TINAG: variants seen among roughly 807,000 people sequenced by gnomAD.
The protein encoded by TINAG is tubulointerstitial nephritis antigen.
TINAG carries 83 observed loss-of-function variants against 72.7 expected under a neutral mutation model. The observed-to-expected ratio is 1.14, with a 90% CI of 0.96 to 1.37. The LOEUF (loss-of-function observed/expected upper bound fraction) is 1.37. Ranked by LOEUF, TINAG falls within the 40% of genes most tolerant of loss-of-function variation. TINAG has a pLI of 0.00. For missense variants in TINAG, 685 were observed against 576.6 expected (o/e 1.19, Z -1.93); for synonymous variants, 234 against 189.9 (o/e 1.23, Z -1.91).
chr6:54,310,076 C>CGTGTGTGTGTGT (rs138971244), intron 1 of TINAG, among the ~76,000 whole-genome samples: 8,090 of 127,624 alleles, frequency 0.063, 441 homozygotes, highest in African/African-American at 0.069. Context: ...CTTTTTTTTC[C>CGTGTGTGTGTGT]GTGTGTGTGT....
At chr6:54,353,678 T>C (rs1785321448) in intron 8 of TINAG, among the ~76,000 whole-genome samples, 1 of 151,810 alleles carries the variant, frequency 6.6e-6, no homozygotes, top group African/African-American at 2.4e-5. Flanking sequence ...AAAGTTATAT[T>C]TAACTTTGGA....
Position 54,374,303 on chromosome 6 carries a change from TA to T in TINAG, c.1251-6219del, listed in dbSNP as rs551444126. Among the ~76,000 whole-genome samples the T allele has an allele frequency of 2.4e-4, 37 of 152,200 alleles. 2 individuals are homozygous for T. In the South Asian group the frequency reaches 7.2e-3, roughly 30 times the overall value. ...CCATCATCTGCTCCTCAACCTGTGA[TA>T]AAATTTGTAGCTTCCTGGCAGAACA... On this transcript the variant is annotated intron_variant, in intron 9 of 10. Transcript: ENST00000259782.
rs1785258782 is a variant in TINAG at position 54,351,261 on chromosome 6, T to G, written c.1081-91T>G. ...GAGTTTTTCAAAGTACAATTGAGAG[T>G]AAATTGCAAACACTTAACATTGTAC... On this transcript the variant is annotated intron_variant, in intron 7 of 10. Transcript: ENST00000259782. The G allele has an allele frequency of 6.1e-6, 7 of 1,147,290 alleles. No individual in the cohort carries two copies. In the African/African-American group the frequency reaches 1.1e-4, roughly 18 times the overall value. 71.1% of individuals were successfully genotyped at this position (1,147,290 alleles called of 1,614,324 possible). A position where few individuals can be genotyped will look rare whatever the true frequency, so the allele number is the denominator to read the frequency against.
At chr6:54,384,092 C>A (rs1013687830) in intron 10 of TINAG, among the ~76,000 whole-genome samples, 1 of 152,066 alleles carries the variant, frequency 6.6e-6, no homozygotes, top group African/African-American at 2.4e-5. Flanking sequence ...TCTCAGCAAA[C>A]TAACACAGGA....
intron 3 of TINAG, among the ~76,000 whole-genome samples, chr6:54,322,892 G>T (rs1784524848): frequency 6.6e-6 from 1 of 152,180 alleles, no homozygotes; most frequent in Non-Finnish European, 1.5e-5. Context: ...AATTGAATCA[G>T]ATTCCTAAAA....
chr6:54,316,038 T>G (rs1784366078), intron 1 of TINAG, among the ~76,000 whole-genome samples: 1 of 152,182 alleles, frequency 6.6e-6, no homozygotes, highest in Non-Finnish European at 1.5e-5. Flanking sequence ...GTCTATAAGC[T>G]TCATGAAATC....
At chr6:54,333,958 C>T (rs757668603) in intron 4 of TINAG, among the ~76,000 whole-genome samples, 45 of 152,302 alleles carry the variant, frequency 3.0e-4, no homozygotes, top group Admixed American at 5.2e-4. Context: ...CTGGCAAACT[C>T]CTTTGTAAAA....
rs553335843 is a variant in TINAG at position 54,318,595 on chromosome 6, C to T, written c.356-1984C>T. Among the ~76,000 whole-genome samples the T allele has an allele frequency of 1.6e-4, 25 of 152,092 alleles. 1 individual carries two copies. Among genetic ancestry groups the T allele is most frequent in the Admixed American group, 4.6e-4 (7 of 15,246 alleles). ...ATAAGTGCAGAGATTAGGGTGGAGA[C>T]ATTTTGGATAAGGCCTTATAGGTTA... On this transcript the variant is annotated intron_variant, in intron 1 of 10. Transcript: ENST00000259782.
chr6:54,356,251 C>T (rs1164461472), intron 9 of TINAG, among the ~76,000 whole-genome samples: 1 of 151,778 alleles, frequency 6.6e-6, no homozygotes, highest in Non-Finnish European at 1.5e-5. Flanking sequence ...AATACCAAAT[C>T]AGGCCAGGTG....
intron 9 of TINAG, among the ~76,000 whole-genome samples, chr6:54,379,590 G>A (rs1261724576): frequency 6.6e-6 from 1 of 151,876 alleles, no homozygotes; most frequent in Non-Finnish European, 1.5e-5. Context: ...AATTATCTGT[G>A]TTTTCATTAT....
rs557099985 is a variant in TINAG, at chr6:54,364,880, A to G, written c.1250+10244A>G. Among the ~76,000 whole-genome samples, 9 of 151,598 alleles carry G rather than the reference A, an allele frequency of 5.9e-5. No homozygotes were observed. In the South Asian group the frequency reaches 1.9e-3, roughly 31 times the overall value. On this transcript the variant is annotated intron_variant, in intron 9 of 10. Coordinates refer to ENST00000259782, the MANE Select transcript of TINAG (RefSeq NM_014464.4). ...CAGTACTGAATTTTAATGTATTTTT[A>G]CCATATTTTCCATACAAATAAATTT...
In TINAG at chr6:54,377,107, A is replaced by C. The variant is rs550584272; in HGVS notation, c.1251-3419A>C. ...TAATGAAGTAGAAACAATTTAAAAGAACCGTATTATGTGGATTTCCTTGAG... is the reference window on the plus strand; with the variant it reads ...TAATGAAGTAGAAACAATTTAAAAGCACCGTATTATGTGGATTTCCTTGAG... On this transcript the variant is annotated intron_variant, in intron 9 of 10. Coordinates refer to ENST00000259782, the MANE Select transcript of TINAG (RefSeq NM_014464.4). Among the ~76,000 whole-genome samples the C allele has an allele frequency of 2.0e-5, 3 of 152,312 alleles. No individual in the cohort carries two copies. In the South Asian group the frequency reaches 6.2e-4, roughly 32 times the overall value.
At chr6:54,327,585 T>A (rs1784637657) in intron 4 of TINAG, among the ~76,000 whole-genome samples, 1 of 151,930 alleles carries the variant, frequency 6.6e-6, no homozygotes, top group Non-Finnish European at 1.5e-5. Context: ...CAGTAGTGCC[T>A]GGAATGCCAG....
intron 9 of TINAG, among the ~76,000 whole-genome samples, chr6:54,362,913 A>C (rs1157372594): frequency 6.6e-6 from 1 of 151,584 alleles, no homozygotes; most frequent in Admixed American, 6.6e-5. Context: ...AACAACTAGA[A>C]TTAGAAGTAG....
At chr6:54,314,766 T>C (rs952550220) in intron 1 of TINAG, among the ~76,000 whole-genome samples, 2 of 152,120 alleles carry the variant, frequency 1.3e-5, no homozygotes, top group African/African-American at 4.8e-5. Flanking sequence ...ATACAGTGCA[T>C]ACAAAAAAAG....
chr6:54,366,930 G>C (rs1302296905), intron 9 of TINAG: 2 of 151,520 alleles, frequency 1.3e-5, no homozygotes, highest in Admixed American at 6.6e-5. Context: ...AGAGCAAGGA[G>C]GAATCTAATA....
At chr6:54,364,984 T>C (rs1345712050) in intron 9 of TINAG, among the ~76,000 whole-genome samples, 1 of 151,568 alleles carries the variant, frequency 6.6e-6, no homozygotes, top group African/African-American at 2.4e-5. Flanking sequence ...CCACCATTTG[T>C]TTTTCTCCAT....
At position 54,353,877 on chromosome 6, in the gene TINAG, G is replaced by C. The variant is rs138216327; in HGVS notation, c.1127-636G>C. On this transcript the variant is annotated intron_variant, in intron 8 of 10. Coordinates refer to ENST00000259782, the MANE Select transcript of TINAG (RefSeq NM_014464.4). ...AAAGGCTTCACCCTGAATTGCCAAA[G>C]CCCTTCAACAAAGCAGCACACAATA... Among the ~76,000 whole-genome samples the C allele has an allele frequency of 1.3e-3, 199 of 151,876 alleles. 8 individuals are homozygous for C. The East Asian group carries it at 0.037, about 28-fold the overall frequency.
Position 54,351,338 on chromosome 6 carries a change from AT to A in TINAG, c.1081-9del. On this transcript the variant is annotated splice_polypyrimidine_tract_variant and intron_variant, in intron 7 of 10. Transcript: ENST00000259782. ...GATAACAATGATATTGCTTATTCAT[AT>A]TTTTCCATCCAGGAAACTGAGATAA... The A allele has an allele frequency of 6.2e-7, 1 of 1,606,566 alleles. No individual in the cohort carries two copies.
Sources: gnomAD v4.1 joint callset for allele counts (sites outside exome capture counted in the v4.1 genomes callset) on GRCh38, gnomAD v4.1.1 for gene constraint, MANE v1.5 for transcripts, NCBI Gene and HGNC (gene_info 2026-07-23, HGNC 2026-07-21) for gene names.